The following IGSF21 variants were observed in gnomAD, a reference collection of about 807,000 sequenced individuals.
The protein encoded by IGSF21 is immunoglobin superfamily member 21.
Under a neutral mutation model 46.8 loss-of-function variants are expected in IGSF21, and 28 were observed. The observed-to-expected ratio is 0.60, with a 90% CI of 0.44 to 0.82. The LOEUF (loss-of-function observed/expected upper bound fraction) is 0.82, where lower values mean the gene tolerates loss of function less well. Ranked by LOEUF, IGSF21 falls within the 40% of genes least tolerant of loss-of-function variation. The probability of loss-of-function intolerance (pLI) is 0.00; values close to 1 mark genes in which losing one functional copy is unlikely to be tolerated. For missense variants in IGSF21, 624 were observed against 665.5 expected (o/e 0.94, Z 0.69); for synonymous variants, 284 against 273.6 (o/e 1.04, Z -0.38).
intron 1 of IGSF21, among the ~76,000 whole-genome samples, chr1:18,121,793 C>G (rs2086236276): frequency 6.6e-6 from 1 of 152,182 alleles, no homozygotes; most frequent in African/African-American, 2.4e-5. Context: ...CACCCACACC[C>G]CCATTGGCTC....
chr1:18,260,212 G>A (rs752237823), intron 2 of IGSF21, among the ~76,000 whole-genome samples: 7 of 152,232 alleles, frequency 4.6e-5, no homozygotes, highest in East Asian at 1.9e-4. Context: ...AGGATGGTCC[G>A]AGGAGAGTGA....
rs1378069916 is a variant in IGSF21 at position 18,334,784 on chromosome 1, G to A, written c.306-108G>A. 7.6e-6 allele frequency: 6 copies of A among 789,280 alleles called. No homozygotes were observed. Among genetic ancestry groups the A allele is most frequent in the Non-Finnish European group, 1.3e-5 (6 of 450,096 alleles). 48.9% of individuals were successfully genotyped at this position (789,280 alleles called of 1,614,324 possible). On this transcript the variant is annotated intron_variant, in intron 3 of 9. Transcript: ENST00000251296. This position sits in a 1 kb window ranked among gnomAD's most constrained non-coding sequence, Gnocchi z 4.3. ...CTCCCAGCCCAGCACACAGGCCTGT[G>A]TTTGTTAGTGGAGGCTGCACCAGTG...
intron 1 of IGSF21, among the ~76,000 whole-genome samples, chr1:18,137,740 A>T (rs1022583050): frequency 2.0e-5 from 3 of 152,206 alleles, no homozygotes; most frequent in African/African-American, 7.2e-5. Flanking sequence ...TGATCCTACC[A>T]CAACCCTTTG....
chr1:18,302,270 C>T (rs1043516685), intron 3 of IGSF21, among the ~76,000 whole-genome samples: 52 of 152,316 alleles, frequency 3.4e-4, no homozygotes, highest in African/African-American at 1.2e-3. Flanking sequence ...CAGGGAGCGC[C>T]CCATGCATTC....
intron 4 of IGSF21, among the ~76,000 whole-genome samples, chr1:18,343,265 A>G (rs1427135794): frequency 6.6e-6 from 1 of 152,166 alleles, no homozygotes; most frequent in African/African-American, 2.4e-5. Flanking sequence ...ACATCTACTC[A>G]GAGCCTTTGG....
At chr1:18,340,582 A>G (rs2085822445) in intron 4 of IGSF21, among the ~76,000 whole-genome samples, 1 of 152,156 alleles carries the variant, frequency 6.6e-6, no homozygotes, top group Admixed American at 6.5e-5. Context: ...CAGAGGACGA[A>G]ACTAGTTTCT....
chr1:18,278,652 C>G (rs1231511995), intron 2 of IGSF21, among the ~76,000 whole-genome samples: 1 of 151,978 alleles, frequency 6.6e-6, no homozygotes, highest in African/African-American at 2.4e-5. Flanking sequence ...TTCCTGGGCT[C>G]AGGAAATCCT....
At chr1:18,357,691 T>A (rs1739103) in intron 4 of IGSF21, among the ~76,000 whole-genome samples, 3 of 152,072 alleles carry the variant, frequency 2.0e-5, no homozygotes, top group East Asian at 3.9e-4. Context: ...TAATAGTGAC[T>A]AGAAGAGTGA....
Position 18,359,026 on chromosome 1 carries a change from G to A in IGSF21, c.425-3089G>A, listed in dbSNP as rs141412775. 4.3e-4 allele frequency among the ~76,000 whole-genome samples: 66 copies of A among 152,258 alleles called. No individual in the cohort carries two copies. The East Asian group carries it at 0.012, about 28-fold the overall frequency. ...CACCTGTAATCCCAACACTTTGGGA[G>A]GCTAAGTTGGGAGGATCGTTTGAGG... On this transcript the variant is annotated intron_variant, in intron 4 of 9. Transcript: ENST00000251296.
chr1:18,132,242 T>A (rs2086328355), intron 1 of IGSF21, among the ~76,000 whole-genome samples: 1 of 152,134 alleles, frequency 6.6e-6, no homozygotes, highest in Admixed American at 6.5e-5. Context: ...CTATGACCTA[T>A]GACCTATGAC....
chr1:18,346,711 T>C (rs546969), intron 4 of IGSF21, among the ~76,000 whole-genome samples: 131,770 of 152,152 alleles, frequency 0.87, 57,155 homozygotes, highest in Non-Finnish European at 0.9. Context: ...CCAGGGCCTA[T>C]GGACCTCTAC....
At chr1:18,377,913 C>G (rs2086301574) in intron 9 of IGSF21, among the ~76,000 whole-genome samples, 1 of 152,184 alleles carries the variant, frequency 6.6e-6, no homozygotes, top group South Asian at 2.1e-4. Flanking sequence ...CCCCAACCTG[C>G]TCTAGCCTGA....
At chr1:18,143,882 G>A (rs2086440975) in intron 1 of IGSF21, among the ~76,000 whole-genome samples, 1 of 152,136 alleles carries the variant, frequency 6.6e-6, no homozygotes, top group Non-Finnish European at 1.5e-5. Context: ...TCTCCCCAAG[G>A]CAGGAGCTGT....
chr1:18,199,283 G>T (rs184442853), intron 1 of IGSF21, among the ~76,000 whole-genome samples: 1 of 152,024 alleles, frequency 6.6e-6, no homozygotes, highest in Non-Finnish European at 1.5e-5. Flanking sequence ...TCAGTGTTTC[G>T]ACCTCTCCCA....
intron 3 of IGSF21, among the ~76,000 whole-genome samples, chr1:18,314,886 A>ATGCC (rs2085525309): frequency 2.0e-5 from 3 of 152,064 alleles, no homozygotes; most frequent in Admixed American, 6.5e-5. Context: ...AGGTACAATG[A>ATGCC]TGGGGACTCT....
In IGSF21 at chr1:18,334,782, G is replaced by T; in HGVS notation, c.306-110G>T. ...TCCTCCCAGCCCAGCACACAGGCCT[G>T]TGTTTGTTAGTGGAGGCTGCACCAG... is the stretch of plus-strand genomic sequence containing the variant. On this transcript the variant is annotated intron_variant, in intron 3 of 9. Coordinates refer to ENST00000251296, the MANE Select transcript of IGSF21 (RefSeq NM_032880.5). The surrounding 1 kb of genome is among the most constrained non-coding windows in gnomAD (Gnocchi z 4.3). 1.3e-6 allele frequency: 1 copy of T among 776,630 alleles called. No individual in the cohort carries two copies. The allele number at this position is 776,630 out of a possible 1,614,324, so 48.1% of individuals were successfully genotyped here. A position where few individuals can be genotyped will look rare whatever the true frequency, so the allele number is the denominator to read the frequency against.
intron 1 of IGSF21, among the ~76,000 whole-genome samples, chr1:18,217,408 C>G (rs1472128131): frequency 1.3e-5 from 2 of 152,244 alleles, no homozygotes; most frequent in African/African-American, 4.8e-5. Context: ...GCCAAAATAA[C>G]TGGTCCTGAG....
chr1:18,246,877 C>T (rs1033419645), intron 2 of IGSF21, among the ~76,000 whole-genome samples: 1 of 152,018 alleles, frequency 6.6e-6, no homozygotes, highest in Non-Finnish European at 1.5e-5. Flanking sequence ...GCTTTGGACT[C>T]AGGGAGAAGA....
intron 1 of IGSF21, chr1:18,112,025 T>C (rs946023999): frequency 6.6e-6 from 1 of 151,920 alleles, no homozygotes; most frequent in Admixed American, 6.6e-5. Context: ...GAGGACGGAG[T>C]AGGGGAAGGA....
Sources: allele counts gnomAD v4.1 joint callset (sites outside exome capture counted in the v4.1 genomes callset), GRCh38; gene constraint gnomAD v4.1.1; non-coding constraint Gnocchi (gnomAD v3.1); transcripts MANE v1.5; gene names NCBI Gene and HGNC (gene_info 2026-07-23, HGNC 2026-07-21).